Variants in NRG1 observed in about 807,000 individuals in gnomAD.
The protein encoded by NRG1 is pro-neuregulin-1, membrane-bound isoform.
A neutral mutation model predicts 63.8 loss-of-function variants in NRG1; 18 were observed. The ratio of observed to expected loss-of-function variants is 0.28; its 90% CI spans 0.19 to 0.42. The LOEUF (loss-of-function observed/expected upper bound fraction) is 0.42, where lower values mean the gene tolerates loss of function less well. Among genes scored for constraint, NRG1 ranks in the 10% least tolerant of loss-of-function variants. The pLI is 1.00. For synonymous variants in NRG1, 302 were observed against 301.3 expected (o/e 1.00, Z -0.02); for missense variants, 762 against 814.7 (o/e 0.94, Z 0.79).
chr8:32,721,600 G>A (rs1820656049), intron 5 of NRG1, among the ~76,000 whole-genome samples: 1 of 152,102 alleles, frequency 6.6e-6, no homozygotes, highest in African/African-American at 2.4e-5. Context: ...TATTGGCTCT[G>A]GGAACCTCCA....
chr8:32,484,287 C>A (rs1419312470), intron 1 of NRG1, among the ~76,000 whole-genome samples: 2 of 152,094 alleles, frequency 1.3e-5, no homozygotes, highest in African/African-American at 2.4e-5. Flanking sequence ...TGAACATCCA[C>A]CTTTATGCTG....
At chr8:31,928,291 C>G (rs757757458) in intron 1 of NRG1, among the ~76,000 whole-genome samples, 53 of 148,386 alleles carry the variant, frequency 3.6e-4, no homozygotes, top group Non-Finnish European at 6.7e-4. Flanking sequence ...ACCACCTTAC[C>G]CCCCAGCCAG....
At chr8:32,076,108 G>A (rs1826498460) in intron 1 of NRG1, among the ~76,000 whole-genome samples, 1 of 152,052 alleles carries the variant, frequency 6.6e-6, no homozygotes, top group African/African-American at 2.4e-5. Flanking sequence ...GTTCTTTTCT[G>A]CCTAAATGCC....
chr8:31,851,519 T>A (rs1827215369), intron 1 of NRG1, among the ~76,000 whole-genome samples: 1 of 152,196 alleles, frequency 6.6e-6, no homozygotes, highest in South Asian at 2.1e-4. Flanking sequence ...TTTAACATTG[T>A]TTTATTAGGT....
chr8:32,737,839 A>G (rs909958843), intron 6 of NRG1, among the ~76,000 whole-genome samples: 2 of 151,696 alleles, frequency 1.3e-5, no homozygotes, highest in Non-Finnish European at 2.9e-5. Flanking sequence ...ACCACGCCCA[A>G]CCAGTTTTTT....
At chr8:31,830,607 C>G (rs1433009660) in intron 1 of NRG1, among the ~76,000 whole-genome samples, 1 of 152,056 alleles carries the variant, frequency 6.6e-6, no homozygotes, top group Admixed American at 6.6e-5. Flanking sequence ...CCTTCTCTCC[C>G]TCCATTTCAA....
intron 5 of NRG1, among the ~76,000 whole-genome samples, chr8:32,696,516 T>C (rs1486580769): frequency 6.6e-6 from 1 of 152,174 alleles, no homozygotes; most frequent in African/African-American, 2.4e-5. Flanking sequence ...ATTTCAGAAG[T>C]ATTGATAATA....
chr8:31,738,085 G>T (rs1418446769), intron 1 of NRG1, among the ~76,000 whole-genome samples: 1 of 152,112 alleles, frequency 6.6e-6, no homozygotes, highest in Non-Finnish European at 1.5e-5. Context: ...ATATGGCAGT[G>T]AGCAGATTGG....
chr8:31,874,335 A>C (rs546536812), intron 1 of NRG1, among the ~76,000 whole-genome samples: 55 of 152,358 alleles, frequency 3.6e-4, no homozygotes, highest in African/African-American at 1.3e-3. Context: ...TAATGGATGA[A>C]ATAAAGTTTT....
At chr8:31,920,256 T>C (rs1452057390) in intron 1 of NRG1, among the ~76,000 whole-genome samples, 1 of 152,146 alleles carries the variant, frequency 6.6e-6, no homozygotes, top group African/African-American at 2.4e-5. Flanking sequence ...TGTACATAAA[T>C]ATTTTGAATT....
At chr8:31,673,053 T>G (rs754429309) in intron 1 of NRG1, among the ~76,000 whole-genome samples, 1 of 152,056 alleles carries the variant, frequency 6.6e-6, no homozygotes, top group Non-Finnish European at 1.5e-5. Context: ...TATGAGGTTT[T>G]GATTAGATGA....
At chr8:31,811,807 C>A (rs1313160414) in intron 1 of NRG1, among the ~76,000 whole-genome samples, 1 of 152,076 alleles carries the variant, frequency 6.6e-6, no homozygotes, top group Admixed American at 6.6e-5. Context: ...TATGAATATT[C>A]TGAGAATTGA....
At chr8:31,981,277 A>G (rs1440366143) in intron 1 of NRG1, among the ~76,000 whole-genome samples, 1 of 151,946 alleles carries the variant, frequency 6.6e-6, no homozygotes. Context: ...ATGTATTTGA[A>G]AGTATATTCT....
chr8:31,684,026 TC>T (rs1305815295), intron 1 of NRG1, among the ~76,000 whole-genome samples: 1 of 152,192 alleles, frequency 6.6e-6, no homozygotes, highest in Non-Finnish European at 1.5e-5. Context: ...TCATTTCAGT[TC>T]TGATCTGTCT....
intron 1 of NRG1, among the ~76,000 whole-genome samples, chr8:31,688,306 A>T (rs959536000): frequency 2.0e-5 from 3 of 152,192 alleles, no homozygotes; most frequent in Admixed American, 2.0e-4. Context: ...TGATTGGATT[A>T]GTGCCCTTAT....
chr8:32,563,632 G>A (rs980444198), intron 1 of NRG1, among the ~76,000 whole-genome samples: 3 of 152,192 alleles, frequency 2.0e-5, no homozygotes, highest in Non-Finnish European at 4.4e-5. Flanking sequence ...AGAAAGATAT[G>A]AAGCAGTGGA....
chr8:32,746,200 C>T (rs1461838499), intron 7 of NRG1, among the ~76,000 whole-genome samples: 1 of 151,854 alleles, frequency 6.6e-6, no homozygotes, highest in Non-Finnish European at 1.5e-5. Flanking sequence ...TTCAAAGGGC[C>T]CAGTGACACT....
At chr8:32,392,014 A>C (rs1289033518) in intron 1 of NRG1, among the ~76,000 whole-genome samples, 1 of 152,250 alleles carries the variant, frequency 6.6e-6, no homozygotes, top group African/African-American at 2.4e-5. Context: ...CTGAAGGAAA[A>C]GAGCAGTTGG....
chr8:32,005,835 G>T (rs571830331), intron 1 of NRG1, among the ~76,000 whole-genome samples: 1 of 152,066 alleles, frequency 6.6e-6, no homozygotes, highest in Non-Finnish European at 1.5e-5. Context: ...CCATTTTGTT[G>T]TTTGTATTTG....
Sources: gnomAD v4.1 joint callset for allele counts (sites outside exome capture counted in the v4.1 genomes callset) on GRCh38, gnomAD v4.1.1 for gene constraint, MANE v1.5 for transcripts, NCBI Gene and HGNC (gene_info 2026-07-23, HGNC 2026-07-21) for gene names.